Variants in ALG14 observed in about 807,000 individuals in gnomAD.
The protein encoded by ALG14 is UDP-N-acetylglucosamine transferase subunit ALG14.
Under a neutral mutation model 22.8 loss-of-function variants are expected in ALG14, and 17 were observed. The ratio of observed to expected loss-of-function variants is 0.75; its 90% CI spans 0.51 to 1.12. The LOEUF is 1.12. ALG14 is among the 50% of genes most tolerant of loss of function. ALG14 has a pLI of 0.00. For synonymous variants in ALG14, 89 were observed against 103.7 expected (o/e 0.86, Z 0.86); for missense variants, 288 against 271.8 (o/e 1.06, Z -0.42).
At chr1:94,990,671 A>G (rs1307934211) in intron 3 of ALG14, among the ~76,000 whole-genome samples, 1 of 152,232 alleles carries the variant, frequency 6.6e-6, no homozygotes, top group Non-Finnish European at 1.5e-5. Context: ...CTTTACCCAG[A>G]ATAGCTTTCA....
chr1:95,049,073 G>A (rs1213272646), intron 2 of ALG14, among the ~76,000 whole-genome samples: 3 of 151,986 alleles, frequency 2.0e-5, no homozygotes, highest in Non-Finnish European at 1.5e-5. Flanking sequence ...AAGAAATGCA[G>A]GCCACCTCTA....
At chr1:94,992,963 A>G (rs902252426) in intron 3 of ALG14, among the ~76,000 whole-genome samples, 2 of 151,852 alleles carry the variant, frequency 1.3e-5, no homozygotes, top group Non-Finnish European at 2.9e-5. Flanking sequence ...GCATTTTTCA[A>G]ACTTTAAGGG....
chr1:95,038,004 T>C (rs1468602677), intron 2 of ALG14, among the ~76,000 whole-genome samples: 2 of 152,160 alleles, frequency 1.3e-5, no homozygotes, highest in African/African-American at 4.8e-5. Flanking sequence ...GGGATAACTA[T>C]AATATGAGAC....
chr1:95,001,715 C>T (rs751614200), intron 3 of ALG14, among the ~76,000 whole-genome samples: 1 of 152,092 alleles, frequency 6.6e-6, no homozygotes, highest in Non-Finnish European at 1.5e-5. Context: ...TGGCTGATCT[C>T]GAACTCCTGA....
intron 3 of ALG14, among the ~76,000 whole-genome samples, chr1:95,013,122 A>C (rs1355353862): frequency 6.6e-6 from 1 of 151,602 alleles, no homozygotes; most frequent in Non-Finnish European, 1.5e-5. Flanking sequence ...AATTAAAAAA[A>C]AAAAAAAGAA....
intron 3 of ALG14, among the ~76,000 whole-genome samples, chr1:94,998,637 A>G (rs1672968506): frequency 6.6e-6 from 1 of 152,220 alleles, no homozygotes; most frequent in Non-Finnish European, 1.5e-5. Flanking sequence ...ACAATAAAGT[A>G]CAGATGCTGT....
chr1:95,029,022 T>C (rs929463995), intron 2 of ALG14, among the ~76,000 whole-genome samples: 3 of 152,232 alleles, frequency 2.0e-5, no homozygotes, highest in African/African-American at 2.4e-5. Context: ...TAACAAATTA[T>C]CTCCAAATTT....
chr1:95,060,858 C>T (rs778019567), intron 2 of ALG14, among the ~76,000 whole-genome samples: 5 of 152,106 alleles, frequency 3.3e-5, no homozygotes, highest in Non-Finnish European at 7.3e-5. Flanking sequence ...AATTCATGTC[C>T]ACCTGGAATC....
chr1:95,060,710 T>C (rs564102862), intron 2 of ALG14, among the ~76,000 whole-genome samples: 1 of 151,956 alleles, frequency 6.6e-6, no homozygotes. Flanking sequence ...AGTGAGACTC[T>C]GTTTAAAAAA....
chr1:95,026,293 GC>G (rs1278004964), intron 3 of ALG14, among the ~76,000 whole-genome samples: 1 of 152,118 alleles, frequency 6.6e-6, no homozygotes, highest in Non-Finnish European at 1.5e-5. Context: ...TTGACTAACT[GC>G]CTATTGCAAA....
Position 94,979,948 on chromosome 1 carries a change from C to T in ALG14, c.*3128G>A, listed in dbSNP as rs918419111. On this transcript the variant is annotated 3_prime_UTR_variant, in exon 4 of 4. Coordinates refer to ENST00000370205, the MANE Select transcript of ALG14 (RefSeq NM_144988.4). ...AAACCCCGTGAGGCTCAAACGCTGA[C>T]CTGTAGGGAGAAGGACAATTTTCTT... 1 of 152,112 alleles carries T rather than the reference C, an allele frequency of 6.6e-6. No homozygotes were observed. Among genetic ancestry groups the T allele is most frequent in the Non-Finnish European group, 1.5e-5 (1 of 68,032 alleles). The allele number at this position is 152,112 out of a possible 1,614,324, so 9.4% of individuals were successfully genotyped here. A position where few individuals can be genotyped will look rare whatever the true frequency, so the allele number is the denominator to read the frequency against.
chr1:95,043,610 G>A (rs979516274), intron 2 of ALG14, among the ~76,000 whole-genome samples: 1 of 152,164 alleles, frequency 6.6e-6, no homozygotes. Flanking sequence ...CCTGGTGGCA[G>A]GATGAGGGAG....
At chr1:94,985,205 A>G (rs574162515) in intron 3 of ALG14, among the ~76,000 whole-genome samples, 1 of 83,290 alleles carries the variant, frequency 1.2e-5, no homozygotes, top group East Asian at 7.2e-4. Flanking sequence ...TAACTCTACA[A>G]TTTTCCTCTT....
rs531042321 is a variant in ALG14 at position 95,003,293 on chromosome 1, TAA to T, written c.421-19989_421-19988del. The stretch of plus-strand genomic sequence containing the variant: ...ACTGTCCTTCACCATCCCAGATTAA[TAA>T]GAGAAGGGTGACATTCCTCACACTT... On this transcript the variant is annotated intron_variant, in intron 3 of 3. Coordinates refer to ENST00000370205, the MANE Select transcript of ALG14 (RefSeq NM_144988.4). 2.6e-3 allele frequency among the ~76,000 whole-genome samples: 396 copies of T among 152,252 alleles called. 1 individual carries two copies. The highest frequency in any genetic ancestry group is 9.2e-3 in the African/African-American group (381 of 41,548).
chr1:95,036,890 C>T (rs974638503), intron 2 of ALG14, among the ~76,000 whole-genome samples: 1 of 152,190 alleles, frequency 6.6e-6, no homozygotes, highest in African/African-American at 2.4e-5. Flanking sequence ...GGAGGGCTAG[C>T]TGAGATCAGG....
chr1:95,022,240 C>T (rs1249661424), intron 3 of ALG14: 5 of 866,822 alleles, frequency 5.8e-6, no homozygotes, highest in South Asian at 5.3e-5. Flanking sequence ...AGATGTTGTT[C>T]GGAACTCACT....
At position 94,979,310 on chromosome 1, in the gene ALG14, A is replaced by AAAAAAAAAAAAAAAAAAAAAAAAAG. The variant is rs1553222994; in HGVS notation, c.*3765_*3766insCTTTTTTTTTTTTTTTTTTTTTTTT. ...GTCTCGAAAAAAAAAAAAAAAAAAA[A>AAAAAAAAAAAAAAAAAAAAAAAAAG]AAAAGAAAGAAAAAAGTGAAACAAG... On this transcript the variant is annotated 3_prime_UTR_variant, in exon 4 of 4. Coordinates refer to ENST00000370205, the MANE Select transcript of ALG14 (RefSeq NM_144988.4). 3.3e-5 allele frequency: 3 copies of AAAAAAAAAAAAAAAAAAAAAAAAAG among 89,838 alleles called. 1 individual carries two copies. The highest frequency in any genetic ancestry group is 2.0e-5 in the Non-Finnish European group (1 of 49,328). 5.6% of individuals were successfully genotyped at this position (89,838 alleles called of 1,614,324 possible).
chr1:95,004,659 C>G (rs976317100), intron 3 of ALG14, among the ~76,000 whole-genome samples: 1 of 147,620 alleles, frequency 6.8e-6, no homozygotes, highest in Non-Finnish European at 1.5e-5. Flanking sequence ...GCCACCACGC[C>G]TGGCTAATTT....
chr1:95,035,154 A>T (rs1186137492), intron 2 of ALG14, among the ~76,000 whole-genome samples: 3 of 152,104 alleles, frequency 2.0e-5, no homozygotes, highest in African/African-American at 7.2e-5. Context: ...CAGCTGGGTT[A>T]TATGTTCCTA....
Sources: gnomAD v4.1 joint callset for allele counts (sites outside exome capture counted in the v4.1 genomes callset) on GRCh38, gnomAD v4.1.1 for gene constraint, MANE v1.5 for transcripts, NCBI Gene and HGNC (gene_info 2026-07-23, HGNC 2026-07-21) for gene names.